SCFD2: variants seen among roughly 807,000 people sequenced by gnomAD.
SCFD2 encodes sec1 family domain-containing protein 2.
A neutral mutation model predicts 58.9 loss-of-function variants in SCFD2; 54 were observed. The observed-to-expected ratio is 0.92, with a 90% CI of 0.74 to 1.15. The LOEUF is 1.15. SCFD2 is among the 50% of genes most tolerant of loss of function. SCFD2 has a pLI of 0.00. For missense variants in SCFD2, 805 were observed against 836.6 expected (o/e 0.96, Z 0.47); for synonymous variants, 321 against 335.9 (o/e 0.96, Z 0.49).
intron 2 of SCFD2, 104 bp downstream of exon 2, chr4:53,352,494 C>A: frequency 1.1e-6 from 1 of 937,024 alleles, no homozygotes; most frequent in South Asian, 2.5e-5. Context: ...AATTTTCAAC[C>A]AGACCAATTC....
In SCFD2 at chr4:52,897,799, T is replaced by C. The variant is rs866747800; in HGVS notation, c.1842+9658A>G. ...CCATCTGGTCCTGGACTTTTTTTGG[T>C]TGGTAAGCTATTAATTATTGCCTCA... is the stretch of plus-strand genomic sequence containing the variant. On this transcript the variant is annotated intron_variant, in intron 7 of 8. Transcript: ENST00000401642. Among the ~76,000 whole-genome samples the C allele has an allele frequency of 5.3e-5, 8 of 152,200 alleles. No individual in the cohort carries two copies. The South Asian group carries it at 1.7e-3, about 32-fold the overall frequency.
intron 5 of SCFD2, among the ~76,000 whole-genome samples, chr4:53,012,310 G>A (rs1399282478): frequency 6.6e-6 from 1 of 151,904 alleles, no homozygotes; most frequent in Non-Finnish European, 1.5e-5. Flanking sequence ...ATTTGAAATA[G>A]GGAAAGGCTG....
At chr4:53,130,507 C>T (rs1241135198) in intron 5 of SCFD2, among the ~76,000 whole-genome samples, 1 of 152,182 alleles carries the variant, frequency 6.6e-6, no homozygotes, top group South Asian at 2.1e-4. Flanking sequence ...AACTGTCAAT[C>T]TAAGTGGCAG....
chr4:53,290,718 GA>G (rs1048382047), intron 3 of SCFD2, among the ~76,000 whole-genome samples: 2 of 150,970 alleles, frequency 1.3e-5, no homozygotes, highest in Admixed American at 6.6e-5. Context: ...GATTAACTCA[GA>G]AAAAAAAGAG....
chr4:52,928,892 A>C (rs1220503744), intron 5 of SCFD2, among the ~76,000 whole-genome samples: 1 of 142,270 alleles, frequency 7.0e-6, no homozygotes, highest in East Asian at 2.4e-4. Context: ...TATAGAAAAA[A>C]ATAGTTAAAT....
intron 5 of SCFD2, among the ~76,000 whole-genome samples, chr4:53,007,151 C>A (rs1183370958): frequency 2.9e-4 from 44 of 151,576 alleles, no homozygotes. Context: ...CATGGTGGTA[C>A]GTGCCTGTAG....
At chr4:52,991,673 C>A (rs550312838) in intron 5 of SCFD2, among the ~76,000 whole-genome samples, 1 of 152,226 alleles carries the variant, frequency 6.6e-6, no homozygotes, top group Admixed American at 6.5e-5. Context: ...ATTGCTCCAC[C>A]CAACTCCCAA....
chr4:53,173,145 CTA>C lies in SCFD2; in HGVS notation c.1312-27565_1312-27564del, dbSNP rs529304495. Among the ~76,000 whole-genome samples the C allele has an allele frequency of 1.3e-3, 194 of 152,190 alleles. 2 individuals are homozygous for C. The South Asian group carries it at 0.014, about 11-fold the overall frequency. The stretch of plus-strand genomic sequence containing the variant: ...GTTTTTGACTTAAAGTCTATTTTGT[CTA>C]ATATAAGTACAGATGCCCCTTAACT... On this transcript the variant is annotated intron_variant, in intron 4 of 8. Coordinates refer to ENST00000401642, the MANE Select transcript of SCFD2 (RefSeq NM_152540.4).
chr4:52,959,161 A>G (rs555485227), intron 5 of SCFD2, among the ~76,000 whole-genome samples: 1 of 152,320 alleles, frequency 6.6e-6, no homozygotes, highest in East Asian at 1.9e-4. Context: ...AGACAGGCAG[A>G]CAGGCAAAGC....
At chr4:53,013,895 T>C (rs1361375039) in intron 5 of SCFD2, among the ~76,000 whole-genome samples, 1 of 152,228 alleles carries the variant, frequency 6.6e-6, no homozygotes, top group African/African-American at 2.4e-5. Context: ...CCTCCCATCT[T>C]ATGAAAAGGC....
chr4:53,271,484 A>G (rs1333446314), intron 4 of SCFD2, among the ~76,000 whole-genome samples: 4 of 70,094 alleles, frequency 5.7e-5, no homozygotes, highest in Admixed American at 1.6e-4. Context: ...TATTTTTGAG[A>G]TGGAGTCTCC....
Position 53,172,088 on chromosome 4 carries a change from C to A in SCFD2, c.1312-26506G>T, listed in dbSNP as rs187986098. Among the ~76,000 whole-genome samples the A allele has an allele frequency of 2.0e-5, 3 of 151,772 alleles. No individual in the cohort carries two copies. In the East Asian group the frequency reaches 5.8e-4, roughly 29 times the overall value. ...TGGTGTGATCTTCGGCTCACTGCAA[C>A]CTTCATCTCCTGGGTTCAACTGATT... On this transcript the variant is annotated intron_variant, in intron 4 of 8. Coordinates refer to ENST00000401642, the MANE Select transcript of SCFD2 (RefSeq NM_152540.4).
intron 7 of SCFD2, among the ~76,000 whole-genome samples, chr4:52,896,013 G>T (rs1378418493): frequency 1.3e-5 from 2 of 152,046 alleles, no homozygotes; most frequent in Non-Finnish European, 2.9e-5. Context: ...GGGGTTGTTT[G>T]TTTTTTTCTT....
chr4:53,059,304 T>C (rs573005943), intron 5 of SCFD2, among the ~76,000 whole-genome samples: 2 of 152,238 alleles, frequency 1.3e-5, no homozygotes, highest in East Asian at 1.9e-4. Context: ...AGATCTGTAG[T>C]GAAGGGCAAA....
At chr4:52,874,844 TCA>T (rs1204287458) in intron 8 of SCFD2, among the ~76,000 whole-genome samples, 3 of 152,216 alleles carry the variant, frequency 2.0e-5, no homozygotes, top group African/African-American at 7.2e-5. Flanking sequence ...AAGGTCATAT[TCA>T]CAGATACCAG....
rs57159957 is a variant in SCFD2 at position 53,153,031 on chromosome 4, G to A, written c.1312-7449C>T. ...GTGCAACCATGAAGGTTGCTGTCAT[G>A]GGTCAGAGGTAAGTGTCTGCAGCTT... On this transcript the variant is annotated intron_variant, in intron 4 of 8. Transcript: ENST00000401642. Among the ~76,000 whole-genome samples the A allele has an allele frequency of 9.2e-3, 1,394 of 152,310 alleles. 17 individuals are homozygous for A. The highest frequency in any genetic ancestry group is 0.032 in the African/African-American group (1,317 of 41,576).
intron 4 of SCFD2, among the ~76,000 whole-genome samples, chr4:53,221,484 A>G (rs1392656555): frequency 6.6e-6 from 1 of 152,238 alleles, no homozygotes; most frequent in African/African-American, 2.4e-5. Flanking sequence ...ATAAATTTAA[A>G]TCTTGCTAAT....
intron 2 of SCFD2, among the ~76,000 whole-genome samples, chr4:53,339,422 A>T (rs1465749632): frequency 6.6e-6 from 1 of 151,524 alleles, no homozygotes; most frequent in African/African-American, 2.4e-5. Context: ...ATAAGTTGTT[A>T]TAAGTAATAT....
chr4:53,289,761 T>G (rs906522505), intron 3 of SCFD2, among the ~76,000 whole-genome samples: 2 of 152,050 alleles, frequency 1.3e-5, no homozygotes, highest in Middle Eastern at 3.2e-3. Context: ...AGGACACACT[T>G]AGGCTGAAAG....
Sources: gnomAD v4.1 joint callset for allele counts (sites outside exome capture counted in the v4.1 genomes callset) on GRCh38, gnomAD v4.1.1 for gene constraint, MANE v1.5 for transcripts, NCBI Gene and HGNC (gene_info 2026-07-23, HGNC 2026-07-21) for gene names.